Variants in CCDC102B observed in about 807,000 individuals in gnomAD.
The protein encoded by CCDC102B is coiled-coil domain containing 102B, also known as coiled-coil domain-containing protein 102B.
Under a neutral mutation model 57.4 loss-of-function variants are expected in CCDC102B, and 75 were observed. The observed-to-expected ratio is 1.31, with a 90% CI of 1.08 to 1.58. The LOEUF is 1.58. CCDC102B is among the 40% of genes most tolerant of loss of function. CCDC102B has a pLI of 0.00. For missense variants in CCDC102B, 636 were observed against 582.6 expected (o/e 1.09, Z -0.94); for synonymous variants, 206 against 201.9 (o/e 1.02, Z -0.17).
Position 68,731,040 on chromosome 18 carries a change from G to T in CCDC102B, c.-67+14446G>T, listed in dbSNP as rs527956207. ...TTTCACTCTGTTGCCAGGCTGGAGT[G>T]CAATGGCGCGATCTTGGCTCGCTCC... is the stretch of plus-strand genomic sequence containing the variant. On this transcript the variant is annotated intron_variant, in intron 2 of 3. Coordinates refer to the CCDC102B transcript ENST00000578970. Among the ~76,000 whole-genome samples, 233 of 152,212 alleles carry T rather than the reference G, an allele frequency of 1.5e-3. 2 individuals carry two copies. The highest frequency in any genetic ancestry group is 5.3e-3 in the African/African-American group (220 of 41,530).
chr18:68,897,448 C>A lies in CCDC102B; in HGVS notation c.1263+20C>A. 1 of 1,605,772 alleles carries A rather than the reference C, an allele frequency of 6.2e-7. No homozygotes were observed. Among genetic ancestry groups the A allele is most frequent in the South Asian group, 1.1e-5 (1 of 90,554 alleles). On this transcript the variant is annotated intron_variant, in intron 6 of 7. Coordinates refer to ENST00000360242, the MANE Select transcript of CCDC102B (RefSeq NM_024781.3). ...AACCAGGTATGGGTGCTCCTTGGAG[C>A]AAATTCTCACTGTCTAATCTCACTC...
At chr18:68,777,525 C>T (rs1439476637) in intron 2 of CCDC102B, among the ~76,000 whole-genome samples, 1 of 152,124 alleles carries the variant, frequency 6.6e-6, no homozygotes, top group Non-Finnish European at 1.5e-5. Flanking sequence ...TTCTTAGTTT[C>T]CTTACAGATC....
chr18:68,860,389 A>G, intron 4 of CCDC102B, among the ~76,000 whole-genome samples: 1 of 66,216 alleles, frequency 1.5e-5, no homozygotes, highest in African/African-American at 4.4e-5. Flanking sequence ...CCAGCATGGC[A>G]CATGTATACA....
At chr18:68,761,265 A>G (rs1453290070) in intron 2 of CCDC102B, among the ~76,000 whole-genome samples, 1 of 152,128 alleles carries the variant, frequency 6.6e-6, no homozygotes, top group East Asian at 1.9e-4. Context: ...ATTTTTAAAC[A>G]TTCGTCTACA....
At chr18:69,027,415 C>T (rs2052022690) in intron 7 of CCDC102B, among the ~76,000 whole-genome samples, 1 of 152,186 alleles carries the variant, frequency 6.6e-6, no homozygotes, top group Non-Finnish European at 1.5e-5. Context: ...TATATATACA[C>T]ACACATATAT....
chr18:68,998,349 A>C (rs1022708263), intron 6 of CCDC102B, among the ~76,000 whole-genome samples: 1 of 148,232 alleles, frequency 6.7e-6, no homozygotes, highest in African/African-American at 2.5e-5. Context: ...CTACATACAC[A>C]CATGTATATA....
At chr18:68,772,324 C>T (rs1010870123) in intron 2 of CCDC102B, among the ~76,000 whole-genome samples, 1 of 152,090 alleles carries the variant, frequency 6.6e-6, no homozygotes, top group African/African-American at 2.4e-5. Context: ...ATATGAAAAG[C>T]TGGTAGCATA....
intron 7 of CCDC102B, among the ~76,000 whole-genome samples, chr18:69,031,235 T>C (rs4891353): frequency 0.82 from 125,355 of 152,124 alleles, 53,851 homozygotes; most frequent in Non-Finnish European, 0.95. Flanking sequence ...CTTCTGAGCA[T>C]TGTAGTCCTT....
chr18:68,965,838 G>C (rs2145243228), intron 6 of CCDC102B, among the ~76,000 whole-genome samples: 1 of 152,140 alleles, frequency 6.6e-6, no homozygotes, highest in East Asian at 1.9e-4. Context: ...CTTTTTAAAA[G>C]CTGGATTTTT....
At position 68,967,021 on chromosome 18, in the gene CCDC102B, G is replaced by A. The variant is rs965191190; in HGVS notation, c.1264-43913G>A. 2.0e-5 allele frequency among the ~76,000 whole-genome samples: 3 copies of A among 152,118 alleles called. No homozygotes were observed. In the East Asian group the frequency reaches 5.8e-4, roughly 29 times the overall value. ...GTTCTCTTTCCTTAGACAGAAACAC[G>A]AGGGAAATATTTTCAACATACATCC... On this transcript the variant is annotated intron_variant, in intron 6 of 7. Transcript: ENST00000360242.
intron 6 of CCDC102B, among the ~76,000 whole-genome samples, chr18:68,997,467 A>G (rs1425659992): frequency 6.6e-6 from 1 of 152,088 alleles, no homozygotes; most frequent in Non-Finnish European, 1.5e-5. Context: ...CAAAAGGAGT[A>G]TCAGTGAAAG....
chr18:68,952,627 G>A (rs948047605), intron 6 of CCDC102B, among the ~76,000 whole-genome samples: 3 of 152,092 alleles, frequency 2.0e-5, no homozygotes, highest in Non-Finnish European at 2.9e-5. Context: ...GAGAAAAGCT[G>A]TATAAAAGTT....
chr18:68,992,010 C>T (rs1036010689), intron 6 of CCDC102B, among the ~76,000 whole-genome samples: 5 of 151,994 alleles, frequency 3.3e-5, no homozygotes, highest in African/African-American at 1.2e-4. Flanking sequence ...TAATTTTTTC[C>T]TGCAATGTTT....
At position 68,729,257 on chromosome 18, in the gene CCDC102B, A is replaced by G. The variant is rs309229; in HGVS notation, c.-67+12663A>G. On this transcript the variant is annotated intron_variant, in intron 2 of 3. Coordinates refer to the CCDC102B transcript ENST00000578970. Reference sequence around the variant, plus strand: ...ACTGCAGTGGATAGATAACATCACAAGATACCCGTTATCCCCAAGATTATC... The same window carrying G: ...ACTGCAGTGGATAGATAACATCACAGGATACCCGTTATCCCCAAGATTATC... 7.0e-3 allele frequency among the ~76,000 whole-genome samples: 1,062 copies of G among 152,338 alleles called. 10 individuals carry two copies. The highest frequency in any genetic ancestry group is 0.024 in the African/African-American group (978 of 41,570).
Position 69,010,951 on chromosome 18 carries a change from A to T in CCDC102B, c.1281A>T (p.Gln427His). The T allele has an allele frequency of 3.8e-6, 6 of 1,597,604 alleles. No individual in the cohort carries two copies. Among genetic ancestry groups the T allele is most frequent in the Non-Finnish European group, 5.1e-6 (6 of 1,170,934 alleles). Residue 427 changes from glutamine (Q) to histidine (H), a missense_variant, in exon 7 of 8, where the codon CAA becomes CAT. Physicochemically the swap from Gln to His is conservative, Grantham distance 24. Coordinates refer to ENST00000360242, the MANE Select transcript of CCDC102B (RefSeq NM_024781.3). ...QEKNQELLNL[Q>H]HAYYKLNRQY... is the part of the protein sequence containing the mutation. ...TTTGAAAGGAATTACTGAACCTTCA[A>T]CATGCCTACTATAAACTAAACAGAC...
At chr18:68,824,191 T>C (rs1379506868) in intron 1 of CCDC102B, among the ~76,000 whole-genome samples, 1 of 152,190 alleles carries the variant, frequency 6.6e-6, no homozygotes, top group African/African-American at 2.4e-5. Context: ...TTTGAGGTCT[T>C]ACATTTAAAC....
At position 68,759,634 on chromosome 18, in the gene CCDC102B, T is replaced by C. The variant is rs1787263; in HGVS notation, c.-67+43040T>C. Reference sequence around the variant, plus strand: ...ATTCAAATTGTCAATCAGGGGTTTGTACAAACTAAAAATGTTTTAGATCTG... The same window carrying C: ...ATTCAAATTGTCAATCAGGGGTTTGCACAAACTAAAAATGTTTTAGATCTG... On this transcript the variant is annotated intron_variant, in intron 2 of 3. Coordinates refer to the CCDC102B transcript ENST00000578970. 3.6e-3 allele frequency among the ~76,000 whole-genome samples: 548 copies of C among 152,242 alleles called. 2 individuals carry two copies. The highest frequency in any genetic ancestry group is 0.012 in the African/African-American group (519 of 41,572).
At chr18:68,865,961 CAT>C (rs1326138766) in intron 4 of CCDC102B, among the ~76,000 whole-genome samples, 1 of 152,122 alleles carries the variant, frequency 6.6e-6, no homozygotes, top group African/African-American at 2.4e-5. Flanking sequence ...GTCTATCTAA[CAT>C]GTGTGATCAA....
chr18:68,734,326 A>T (rs1018040308), intron 2 of CCDC102B, among the ~76,000 whole-genome samples: 9 of 152,128 alleles, frequency 5.9e-5, no homozygotes, highest in African/African-American at 1.2e-4. Context: ...TTTTTTTATT[A>T]CCAGAGGCTG....
Sources: gnomAD v4.1 joint callset for allele counts (sites outside exome capture counted in the v4.1 genomes callset) on GRCh38, gnomAD v4.1.1 for gene constraint, MANE v1.5 for transcripts, NCBI Gene and HGNC (gene_info 2026-07-23, HGNC 2026-07-21) for gene names.